The following DENND1A variants were observed in gnomAD, a reference collection of about 807,000 sequenced individuals.
The protein encoded by DENND1A is DENN domain-containing protein 1A.
Under a neutral mutation model 113.7 loss-of-function variants are expected in DENND1A, and 51 were observed. The observed-to-expected ratio is 0.45, with a 90% CI of 0.36 to 0.57. The LOEUF (loss-of-function observed/expected upper bound fraction) is 0.57, where lower values mean the gene tolerates loss of function less well. Among genes scored for constraint, DENND1A ranks in the 20% least tolerant of loss-of-function variants. DENND1A has a pLI of 0.00. For missense variants in DENND1A, 1,258 were observed against 1,395.9 expected (o/e 0.90, Z 1.57); for synonymous variants, 565 against 570.8 (o/e 0.99, Z 0.14).
At chr9:123,684,771 C>A (rs2064701735) in intron 5 of DENND1A, among the ~76,000 whole-genome samples, 1 of 152,184 alleles carries the variant, frequency 6.6e-6, no homozygotes, top group Non-Finnish European at 1.5e-5. Context: ...TTTTCCCATG[C>A]TTATTAAGAC....
At chr9:123,412,328 G>A (rs73573369) in intron 19 of DENND1A, among the ~76,000 whole-genome samples, 3,702 of 152,334 alleles carry the variant, frequency 0.024, 157 homozygotes, top group African/African-American at 0.085. Flanking sequence ...CACCCTCCGG[G>A]TGGAATGGGC....
intron 13 of DENND1A, among the ~76,000 whole-genome samples, chr9:123,522,141 C>G (rs1008996555): frequency 6.6e-6 from 1 of 152,164 alleles, no homozygotes; most frequent in Non-Finnish European, 1.5e-5. Flanking sequence ...ATAAACCTAC[C>G]CCACAAATGT....
intron 12 of DENND1A, among the ~76,000 whole-genome samples, chr9:123,574,641 A>G (rs555139203): frequency 6.6e-6 from 1 of 152,300 alleles, no homozygotes; most frequent in South Asian, 2.1e-4. Flanking sequence ...TGTTAAAGGG[A>G]GAGAATGCAG....
At chr9:123,581,749 G>A (rs562304514) in intron 12 of DENND1A, among the ~76,000 whole-genome samples, 1 of 152,330 alleles carries the variant, frequency 6.6e-6, no homozygotes, top group South Asian at 2.1e-4. Flanking sequence ...TGCCCACCAG[G>A]TAAAACACTT....
chr9:123,475,484 G>A (rs1466911278), intron 13 of DENND1A, among the ~76,000 whole-genome samples: 2 of 152,202 alleles, frequency 1.3e-5, no homozygotes, highest in African/African-American at 2.4e-5. Context: ...ACACTGTGTC[G>A]AGGGACAGAG....
rs753283092 is a variant in DENND1A, at chr9:123,440,407, G to A, written c.1441C>T (p.Pro481Ser). 3.1e-6 allele frequency: 5 copies of A among 1,599,140 alleles called. No homozygotes were observed. In the African/African-American group the frequency reaches 6.8e-5, roughly 22 times the overall value. The stretch of plus-strand genomic sequence containing the variant: ...GGCCGCCGGTCTTCTCGGAGCTTGG[G>A]GTCCTTGGCCTCCACCAGTGGGGAC... ...APSPLVEAKD[P>S]KLREDRRPIT... is the part of the protein sequence containing the mutation. Residue 481 changes from proline to serine, a missense_variant, in exon 19 of 24, where the codon CCC (proline) becomes TCC (serine). By Grantham distance (74) the Pro-to-Ser change is moderately conservative (BLOSUM62 -1). This residue lies in a region of DENND1A where 1,159 missense variants were observed against 1,231.7 expected (regional missense o/e 0.94). Transcript: ENST00000394215.
chr9:123,588,549 G>A (rs1358366233), intron 11 of DENND1A, among the ~76,000 whole-genome samples: 1 of 147,670 alleles, frequency 6.8e-6, no homozygotes, highest in African/African-American at 2.5e-5. Context: ...GGACCTGGGA[G>A]GCGGAGGTTG....
intron 5 of DENND1A, among the ~76,000 whole-genome samples, chr9:123,746,236 A>C (rs1344631503): frequency 1.3e-5 from 2 of 152,234 alleles, no homozygotes; most frequent in African/African-American, 4.8e-5. Context: ...TATAGCATAC[A>C]GGGACTTTAT....
intron 13 of DENND1A, among the ~76,000 whole-genome samples, chr9:123,463,817 G>A (rs1211092349): frequency 6.7e-6 from 1 of 149,192 alleles, no homozygotes; most frequent in Non-Finnish European, 1.5e-5. Flanking sequence ...GCTGAGGCAG[G>A]AGAATCACTT....
At chr9:123,401,368 G>A (rs2043449065) in intron 21 of DENND1A, 1 of 454,386 alleles carries the variant, frequency 2.2e-6, no homozygotes, top group Non-Finnish European at 3.0e-6. Flanking sequence ...AGCATGGGAA[G>A]AGGCGTAGAA....
intron 14 of DENND1A, 75 bp downstream of exon 14, chr9:123,457,718 A>C (rs2048234956): frequency 7.2e-7 from 1 of 1,398,434 alleles, no homozygotes; most frequent in East Asian, 2.5e-5. Context: ...CTGCGGCCTC[A>C]GTACTTAGAG....
chr9:123,537,742 G>T (rs1041529495), intron 13 of DENND1A, among the ~76,000 whole-genome samples: 22 of 152,022 alleles, frequency 1.4e-4, no homozygotes, highest in African/African-American at 4.8e-4. Context: ...AACACTTTGC[G>T]AGAAGAAAAT....
intron 13 of DENND1A, among the ~76,000 whole-genome samples, chr9:123,471,019 T>C (rs1174900533): frequency 6.6e-6 from 1 of 152,146 alleles, no homozygotes; most frequent in Non-Finnish European, 1.5e-5. Context: ...GGATTCCTTT[T>C]CCTTGCCTAG....
At chr9:123,449,235 C>T (rs1028088266) in intron 18 of DENND1A, among the ~76,000 whole-genome samples, 6 of 152,172 alleles carry the variant, frequency 3.9e-5, no homozygotes, top group Non-Finnish European at 7.3e-5. Flanking sequence ...TTAAGAGGAG[C>T]TTAAAGAAGG....
In DENND1A at chr9:123,381,479, G is replaced by T. The variant is rs746917881; in HGVS notation, c.3166C>A (p.Pro1056Thr). The change falls in exon 24 of 24, where the codon CCA becomes ACA. Residue 1056 changes from proline (P) to threonine (T), a missense_variant. Physicochemically the swap from Pro to Thr is conservative, Grantham distance 38 (BLOSUM62 -1). This residue lies in a region of DENND1A where 1,159 missense variants were observed against 1,231.7 expected (regional missense o/e 0.94). Coordinates refer to ENST00000394215, the MANE Select transcript of DENND1A (RefSeq NM_001352964.2). The surrounding 1 kb of genome is among the most constrained non-coding windows in gnomAD (Gnocchi z 4.7). ...VSPSPALAPAPDSVEQLRKQW... is the reference protein window; with the variant it reads ...VSPSPALAPATDSVEQLRKQW... ...TTCCTGAGCTGCTCCACCGAGTCTG[G>T]GGCCGGGGCCAGGGCCGGACTCGGG... 1.4e-5 allele frequency: 22 copies of T among 1,613,488 alleles called. No homozygotes were observed. Among genetic ancestry groups the T allele is most frequent in the Non-Finnish European group, 1.9e-5 (22 of 1,179,994 alleles).
In DENND1A at chr9:123,411,804, G is replaced by A. The variant is rs1420420554; in HGVS notation, c.1514C>T (p.Pro505Leu). The change falls in exon 20 of 24, where the codon CCG becomes CTG. Residue 505 changes from proline (P) to leucine (L), a missense_variant. Physicochemically the swap from Pro to Leu is moderately conservative, Grantham distance 98. Coordinates refer to ENST00000394215, the MANE Select transcript of DENND1A (RefSeq NM_001352964.2). ...GQLQRLRPTR[P>L]PPKIQRSRPV... The stretch of plus-strand genomic sequence containing the variant: ...CCTCGAGCGCTGTATCTTGGGAGGC[G>A]GTCGGGTGGGACGCAGTCTCTGCAG... The A allele has an allele frequency of 1.8e-5, 18 of 985,790 alleles. No individual in the cohort carries two copies. Among genetic ancestry groups the A allele is most frequent in the Non-Finnish European group, 2.0e-5 (17 of 830,046 alleles). The allele number at this position is 985,790 out of a possible 1,614,324, so 61.1% of individuals were successfully genotyped here.
chr9:123,760,158 A>G (rs2070917445), intron 4 of DENND1A, among the ~76,000 whole-genome samples: 3 of 152,224 alleles, frequency 2.0e-5, no homozygotes, highest in Non-Finnish European at 4.4e-5. Flanking sequence ...AGTCAAATCT[A>G]TGCTATCAAT....
chr9:123,886,744 T>C lies in DENND1A; in HGVS notation c.18-7723A>G, dbSNP rs544983563. Among the ~76,000 whole-genome samples the C allele has an allele frequency of 3.3e-5, 5 of 152,336 alleles. 2 individuals are homozygous for C. In the South Asian group the frequency reaches 1.0e-3, roughly 32 times the overall value. ...CTGAAAACATTGTATCAAAGAGTGC[T>C]TTCTAGCCCATAACAAGTTAACACC... On this transcript the variant is annotated intron_variant, in intron 1 of 23. Coordinates refer to ENST00000394215, the MANE Select transcript of DENND1A (RefSeq NM_001352964.2).
intron 1 of DENND1A, among the ~76,000 whole-genome samples, chr9:123,902,264 C>T (rs1564473422): frequency 6.6e-6 from 1 of 151,880 alleles, no homozygotes; most frequent in Non-Finnish European, 1.5e-5. Context: ...TACCTAATCT[C>T]TTGAATTAAA....
Sources: allele counts gnomAD v4.1 joint callset (sites outside exome capture counted in the v4.1 genomes callset), GRCh38; gene constraint gnomAD v4.1.1; regional missense constraint gnomAD v4.1.1; non-coding constraint Gnocchi (gnomAD v3.1); transcripts MANE v1.5; gene names NCBI Gene and HGNC (gene_info 2026-07-23, HGNC 2026-07-21).